The following TEAD1 variants were observed in gnomAD, a reference collection of about 807,000 sequenced individuals.
TEAD1 encodes transcriptional enhancer factor TEF-1.
A neutral mutation model predicts 54.9 loss-of-function variants in TEAD1; 9 were observed. That is an observed-to-expected ratio of 0.16 (90% CI 0.10 to 0.29). The LOEUF is 0.29. Ranked by LOEUF, TEAD1 falls within the 10% of genes least tolerant of loss-of-function variation. TEAD1 has a pLI of 1.00. For missense variants in TEAD1, 387 were observed against 535.9 expected (o/e 0.72, Z 2.74); for synonymous variants, 200 against 187.8 (o/e 1.07, Z -0.53).
intron 3 of TEAD1, among the ~76,000 whole-genome samples, chr11:12,809,839 G>T (rs555681701): frequency 6.6e-6 from 1 of 152,092 alleles, no homozygotes; most frequent in Non-Finnish European, 1.5e-5. Context: ...TGTATGCTCC[G>T]AGCCCTGTGC....
chr11:12,906,477 G>A (rs187534627), intron 10 of TEAD1, among the ~76,000 whole-genome samples: 1 of 151,426 alleles, frequency 6.6e-6, no homozygotes, highest in Non-Finnish European at 1.5e-5. Flanking sequence ...GGAGGCGGAG[G>A]TTGCAGTGAG....
At chr11:12,751,475 G>C (rs565980856) in intron 2 of TEAD1, among the ~76,000 whole-genome samples, 2 of 152,240 alleles carry the variant, frequency 1.3e-5, no homozygotes, top group African/African-American at 4.8e-5. Context: ...GCCAGGTCAG[G>C]CTTCCCAGTG....
At chr11:12,936,801 T>C (rs1949108931) in intron 12 of TEAD1, among the ~76,000 whole-genome samples, 1 of 152,218 alleles carries the variant, frequency 6.6e-6, no homozygotes. Flanking sequence ...GAGAATTCTT[T>C]GTTGTAAAGA....
At chr11:12,805,571 A>T (rs1946151903) in intron 3 of TEAD1, among the ~76,000 whole-genome samples, 1 of 152,212 alleles carries the variant, frequency 6.6e-6, no homozygotes, top group African/African-American at 2.4e-5. Context: ...CCTTAGGTCT[A>T]CCCATATTGA....
At chr11:12,712,478 C>T (rs1943961025) in intron 2 of TEAD1, among the ~76,000 whole-genome samples, 1 of 152,196 alleles carries the variant, frequency 6.6e-6, no homozygotes, top group African/African-American at 2.4e-5. Context: ...CAGGCATGTT[C>T]CCTAAACTCT....
intron 2 of TEAD1, among the ~76,000 whole-genome samples, chr11:12,707,224 G>A (rs184630477): frequency 1.3e-5 from 2 of 148,860 alleles, no homozygotes; most frequent in East Asian, 2.0e-4. Context: ...ATAGAGGAAC[G>A]CAGTTGATGT....
intron 3 of TEAD1, among the ~76,000 whole-genome samples, chr11:12,816,241 C>T (rs1946412051): frequency 6.6e-6 from 1 of 152,222 alleles, no homozygotes; most frequent in Admixed American, 6.5e-5. Context: ...GCCCGCCTTG[C>T]TGCCACCCTC....
chr11:12,757,636 A>G (rs767935875), intron 2 of TEAD1, among the ~76,000 whole-genome samples: 1 of 152,142 alleles, frequency 6.6e-6, no homozygotes, highest in Non-Finnish European at 1.5e-5. Context: ...CTTACTACTC[A>G]TTGGAACCTT....
intron 2 of TEAD1, among the ~76,000 whole-genome samples, chr11:12,763,153 G>A (rs186018215): frequency 6.6e-6 from 1 of 152,336 alleles, no homozygotes; most frequent in Non-Finnish European, 1.5e-5. Context: ...CGTTATGCCA[G>A]TTTGACATTT....
chr11:12,778,850 A>G (rs966272493), intron 3 of TEAD1, among the ~76,000 whole-genome samples: 11 of 152,172 alleles, frequency 7.2e-5, no homozygotes, highest in Non-Finnish European at 1.6e-4. Flanking sequence ...GTTTTCTGTT[A>G]GATTGTTTTA....
chr11:12,893,834 G>A (rs938654560), intron 9 of TEAD1, among the ~76,000 whole-genome samples: 1 of 152,220 alleles, frequency 6.6e-6, no homozygotes, highest in Non-Finnish European at 1.5e-5. Flanking sequence ...GAACAGGGCT[G>A]GTGCCCTGGA....
At chr11:12,927,592 G>A (rs1948926472) in intron 11 of TEAD1, among the ~76,000 whole-genome samples, 1 of 152,032 alleles carries the variant, frequency 6.6e-6, no homozygotes, top group Non-Finnish European at 1.5e-5. Flanking sequence ...CCTTGTTTGA[G>A]CAATCTAATT....
intron 9 of TEAD1, among the ~76,000 whole-genome samples, chr11:12,897,522 CT>C (rs1459738524): frequency 1.3e-5 from 2 of 152,140 alleles, no homozygotes; most frequent in African/African-American, 2.4e-5. Context: ...TTCTGTAGTA[CT>C]TTGTATTCTT....
chr11:12,813,271 G>A (rs1346093196), intron 3 of TEAD1, among the ~76,000 whole-genome samples: 1 of 152,188 alleles, frequency 6.6e-6, no homozygotes, highest in African/African-American at 2.4e-5. Flanking sequence ...GAAGGTGTTT[G>A]GGTTTCTTTT....
intron 3 of TEAD1, among the ~76,000 whole-genome samples, chr11:12,802,150 C>G (rs540024069): frequency 5.3e-5 from 8 of 152,298 alleles, no homozygotes; most frequent in Middle Eastern, 3.4e-3. Flanking sequence ...CCATTCAGAA[C>G]AGAGCATTTC....
At chr11:12,877,435 C>T (rs577402783) in intron 5 of TEAD1, among the ~76,000 whole-genome samples, 3 of 152,298 alleles carry the variant, frequency 2.0e-5, no homozygotes, top group African/African-American at 2.4e-5. Flanking sequence ...GGTGGATCAT[C>T]TGAGGTCGGG....
intron 10 of TEAD1, among the ~76,000 whole-genome samples, chr11:12,919,307 T>A (rs1948765366): frequency 6.6e-6 from 1 of 152,034 alleles, no homozygotes; most frequent in South Asian, 2.1e-4. Flanking sequence ...AAACCAATGG[T>A]GAGGTGGTAG....
At chr11:12,697,349 C>T (rs916334756) in intron 2 of TEAD1, among the ~76,000 whole-genome samples, 5 of 152,146 alleles carry the variant, frequency 3.3e-5, no homozygotes, top group African/African-American at 1.2e-4. Flanking sequence ...TCAAGGAGAC[C>T]AGTATGGTTG....
chr11:12,813,189 G>A (rs1946342653), intron 3 of TEAD1, among the ~76,000 whole-genome samples: 1 of 152,160 alleles, frequency 6.6e-6, no homozygotes, highest in Admixed American at 6.5e-5. Flanking sequence ...CAAACTGGGG[G>A]CTCCCTGGGA....
Sources: allele counts gnomAD v4.1 joint callset (sites outside exome capture counted in the v4.1 genomes callset), GRCh38; gene constraint gnomAD v4.1.1; transcripts MANE v1.5; gene names NCBI Gene and HGNC (gene_info 2026-07-23, HGNC 2026-07-21).